SYTL2: variants seen among roughly 807,000 people sequenced by gnomAD.
The protein encoded by SYTL2 is synaptotagmin like 2, also known as synaptotagmin-like protein 2.
In SYTL2, 165 loss-of-function variants were observed where a neutral mutation model predicts 198.7. That is an observed-to-expected ratio of 0.83 (90% confidence interval 0.73 to 0.94). The LOEUF (loss-of-function observed/expected upper bound fraction) is 0.94, where lower values mean the gene tolerates loss of function less well. Among genes scored for constraint, SYTL2 ranks in the 40% least tolerant of loss-of-function variants. The pLI is 0.00. For missense variants in SYTL2, 2,835 were observed against 2,582.8 expected, an observed-to-expected ratio of 1.10 and a Z score of -2.12; for synonymous variants, 966 against 917.7, an observed-to-expected ratio of 1.05 and a Z score of -0.95.
chr11:85,705,223 C>G (rs142305633), intron 15 of SYTL2, 195 bp from the exon 16 acceptor site: 1 of 461,518 alleles, frequency 2.2e-6, no homozygotes, highest in East Asian at 3.2e-5. Flanking sequence ...TTCATAAAAG[C>G]TGATTTGCTT....
intron 1 of SYTL2, among the ~76,000 whole-genome samples, chr11:85,762,194 C>T (rs1257669327): frequency 1.3e-5 from 2 of 152,176 alleles, no homozygotes; most frequent in East Asian, 1.9e-4. Context: ...AGAGACTCAC[C>T]GACCCAGACC....
chr11:85,781,428 C>T (rs2092558110), intron 1 of SYTL2, among the ~76,000 whole-genome samples: 3 of 152,090 alleles, frequency 2.0e-5, no homozygotes, highest in Admixed American at 6.5e-5. Flanking sequence ...GGGACACAGC[C>T]AAACCATATC....
chr11:85,790,597 T>C (rs1273280736), intron 1 of SYTL2, among the ~76,000 whole-genome samples: 1 of 152,202 alleles, frequency 6.6e-6, no homozygotes, highest in Non-Finnish European at 1.5e-5. Flanking sequence ...TTCTCTCCCA[T>C]TCCAGGTTCA....
intron 1 of SYTL2, among the ~76,000 whole-genome samples, chr11:85,764,651 C>A (rs915295495): frequency 2.0e-5 from 3 of 152,212 alleles, no homozygotes; most frequent in Non-Finnish European, 4.4e-5. Context: ...TTCTTATGGG[C>A]AACATGCATC....
intron 4 of SYTL2, among the ~76,000 whole-genome samples, chr11:85,744,366 A>G (rs894978337): frequency 2.0e-5 from 3 of 152,204 alleles, no homozygotes; most frequent in African/African-American, 4.8e-5. Flanking sequence ...AGGTCACATT[A>G]TCAATTAGTG....
intron 1 of SYTL2, among the ~76,000 whole-genome samples, chr11:85,778,379 G>A (rs980197418): frequency 6.6e-6 from 1 of 152,186 alleles, no homozygotes; most frequent in Non-Finnish European, 1.5e-5. Flanking sequence ...TTGGAGTTTG[G>A]ACTCGAAGCT....
At chr11:85,835,251 C>A in the SYTL2 span, among the ~76,000 whole-genome samples, 1 of 152,106 alleles carries the variant, frequency 6.6e-6, no homozygotes, top group Non-Finnish European at 1.5e-5. Context: ...ATATACCATT[C>A]CTTCTCACTA....
chr11:85,854,248 T>C, the SYTL2 span: 1 of 149,330 alleles, frequency 6.7e-6, no homozygotes, highest in Non-Finnish European at 1.5e-5. Context: ...TATCAAGAAC[T>C]GTTATTTCTA....
intron 15 of SYTL2, among the ~76,000 whole-genome samples, 156 bp downstream of exon 15, chr11:85,707,273 G>T (rs1320194390): frequency 2.0e-5 from 3 of 152,072 alleles, no homozygotes; most frequent in Admixed American, 2.0e-4. Context: ...CAACATTCAG[G>T]TTGTTTTGTC....
At chr11:85,833,307 A>C in the SYTL2 span, among the ~76,000 whole-genome samples, 1 of 148,434 alleles carries the variant, frequency 6.7e-6, no homozygotes, top group Admixed American at 6.8e-5. Flanking sequence ...TATCATATAT[A>C]TCATATATAT....
chr11:85,755,840 A>G lies in SYTL2; in HGVS notation c.101+1785T>C, dbSNP rs371352913. On this transcript the variant is annotated intron_variant, in intron 2 of 19. Transcript: ENST00000359152. Reference sequence around the variant, plus strand: ...ACTATCTAGAGGGGCAGAATTGCAGACCATAAATAACACCTCCTGAGCAGA... The same window carrying G: ...ACTATCTAGAGGGGCAGAATTGCAGGCCATAAATAACACCTCCTGAGCAGA... Among the ~76,000 whole-genome samples, 27 of 152,214 alleles carry G rather than the reference A, an allele frequency of 1.8e-4. No individual in the cohort carries two copies. The East Asian group carries it at 4.6e-3, about 26-fold the overall frequency.
chr11:85,782,691 G>A (rs952027383), intron 1 of SYTL2, among the ~76,000 whole-genome samples: 16 of 152,060 alleles, frequency 1.1e-4, no homozygotes, highest in African/African-American at 2.2e-4. Context: ...ACACTTTACC[G>A]CTTAGAAATT....
chr11:85,752,439 C>T (rs1591901877), intron 2 of SYTL2, among the ~76,000 whole-genome samples: 1 of 152,170 alleles, frequency 6.6e-6, no homozygotes, highest in South Asian at 2.1e-4. Context: ...AGCCAACACA[C>T]TTTCTACTAC....
intron 1 of SYTL2, among the ~76,000 whole-genome samples, chr11:85,799,758 T>C (rs1219576243): frequency 6.6e-6 from 1 of 152,172 alleles, no homozygotes; most frequent in African/African-American, 2.4e-5. Context: ...CCCCACCTCC[T>C]TCCTCTGTGC....
At chr11:85,830,626 C>T in the SYTL2 span, among the ~76,000 whole-genome samples, 1 of 152,254 alleles carries the variant, frequency 6.6e-6, no homozygotes, top group African/African-American at 2.4e-5. Context: ...GAGAAAGGGA[C>T]AGATGCCCCT....
intron 18 of SYTL2, among the ~76,000 whole-genome samples, chr11:85,696,762 T>A (rs2083466618): frequency 6.6e-6 from 1 of 152,204 alleles, no homozygotes; most frequent in Non-Finnish European, 1.5e-5. Context: ...CATGCCTGCA[T>A]TTAGTAAGTG....
chr11:85,742,074 T>C (rs182997381), intron 4 of SYTL2, among the ~76,000 whole-genome samples: 1 of 152,234 alleles, frequency 6.6e-6, no homozygotes, highest in Admixed American at 6.5e-5. Flanking sequence ...CTGAACTCAT[T>C]TGGGAGACAT....
At chr11:85,775,539 G>A (rs566516485) in intron 1 of SYTL2, among the ~76,000 whole-genome samples, 1 of 152,144 alleles carries the variant, frequency 6.6e-6, no homozygotes, top group Non-Finnish European at 1.5e-5. Context: ...CTAGAGTACA[G>A]TGGCGCTATC....
intron 1 of SYTL2, among the ~76,000 whole-genome samples, chr11:85,801,613 T>A (rs905429714): frequency 6.6e-6 from 1 of 152,212 alleles, no homozygotes; most frequent in African/African-American, 2.4e-5. Context: ...TCTTTCATAC[T>A]GTGAGCAGTG....
Sources: allele counts gnomAD v4.1 joint callset (sites outside exome capture counted in the v4.1 genomes callset), GRCh38; gene constraint gnomAD v4.1.1; transcripts MANE v1.5; gene names NCBI Gene and HGNC (gene_info 2026-07-23, HGNC 2026-07-21).